CRTC3: variants seen among roughly 807,000 people sequenced by gnomAD.
The protein encoded by CRTC3 is CREB regulated transcription coactivator 3.
In CRTC3, 26 loss-of-function variants were observed where a neutral mutation model predicts 74.5. That is an observed-to-expected ratio of 0.35 (90% CI 0.26 to 0.48). The LOEUF (loss-of-function observed/expected upper bound fraction) is 0.48. CRTC3 is among the 20% of genes least tolerant of loss of function. The pLI is 0.99. For missense variants in CRTC3, 760 were observed against 787.3 expected (o/e 0.97, Z 0.41); for synonymous variants, 377 against 325.8 (o/e 1.16, Z -1.69).
At chr15:90,544,370 C>T (rs1193177598) in intron 2 of CRTC3, among the ~76,000 whole-genome samples, 1 of 152,182 alleles carries the variant, frequency 6.6e-6, no homozygotes, top group African/African-American at 2.4e-5. Flanking sequence ...ATTACATCTG[C>T]AAAGATTCTG....
intron 2 of CRTC3, among the ~76,000 whole-genome samples, chr15:90,583,465 T>C (rs556434427): frequency 2.0e-5 from 3 of 152,172 alleles, no homozygotes; most frequent in African/African-American, 7.2e-5. Flanking sequence ...GCAAGACTTA[T>C]TTGGTCCTTT....
At chr15:90,626,696 C>CT (rs1355870839) in intron 10 of CRTC3, among the ~76,000 whole-genome samples, 1 of 151,340 alleles carries the variant, frequency 6.6e-6, no homozygotes, top group Non-Finnish European at 1.5e-5. Flanking sequence ...GCTGCAACCT[C>CT]TGCTTCCCAG....
Position 90,642,939 on chromosome 15 carries a change from C to CCT in CRTC3, c.*801_*802dup, listed in dbSNP as rs890402601. 31 of 232,884 alleles carry CCT rather than the reference C, an allele frequency of 1.3e-4. No homozygotes were observed. The highest frequency in any genetic ancestry group is 6.8e-4 in the African/African-American group (31 of 45,288). 14.4% of individuals were successfully genotyped at this position (232,884 alleles called of 1,614,324 possible). On this transcript the variant is annotated 3_prime_UTR_variant, in exon 15 of 15. Transcript: ENST00000268184. ...ACTGCAGGTGTCTCATACTCAGTGGCCTCCAGACAAACTCCAGACAAGCAC... is the reference window on the plus strand; with the variant it reads ...ACTGCAGGTGTCTCATACTCAGTGGCCTCTCCAGACAAACTCCAGACAAGCAC...
chr15:90,538,894 T>G (rs1966761681), intron 1 of CRTC3, among the ~76,000 whole-genome samples: 3 of 152,086 alleles, frequency 2.0e-5, no homozygotes, highest in Admixed American at 1.3e-4. Flanking sequence ...CTCAGCCTCC[T>G]GCTAGCCACG....
intron 2 of CRTC3, among the ~76,000 whole-genome samples, chr15:90,556,095 A>T (rs1966887079): frequency 6.6e-6 from 1 of 151,914 alleles, no homozygotes; most frequent in Non-Finnish European, 1.5e-5. Context: ...TTCTTTTTCA[A>T]CCATTATATA....
Position 90,612,393 on chromosome 15 carries a change from G to A in CRTC3, c.578-2060G>A, listed in dbSNP as rs148980458. Among the ~76,000 whole-genome samples, 443 of 151,978 alleles carry A rather than the reference G, an allele frequency of 2.9e-3. 3 individuals carry two copies. The highest frequency in any genetic ancestry group is 0.02 in the Middle Eastern group (6 of 294). ...TCACCATTATCCTTCAATGAATGGC[G>A]CCTCAGGTGCCACCTACTCCATGAA... On this transcript the variant is annotated intron_variant, in intron 6 of 14. Transcript: ENST00000268184.
chr15:90,626,674 C>T (rs367948662), intron 10 of CRTC3, among the ~76,000 whole-genome samples: 51 of 150,184 alleles, frequency 3.4e-4, no homozygotes, highest in African/African-American at 1.1e-3. Flanking sequence ...TGCAGTGGCA[C>T]GATCTCAGCT....
At chr15:90,536,604 T>C (rs781321110) in intron 1 of CRTC3, among the ~76,000 whole-genome samples, 3 of 152,186 alleles carry the variant, frequency 2.0e-5, no homozygotes, top group Non-Finnish European at 4.4e-5. Context: ...ATTGTAATCG[T>C]GTTGGCTATT....
intron 2 of CRTC3, among the ~76,000 whole-genome samples, chr15:90,591,439 C>T (rs1222458381): frequency 6.6e-6 from 1 of 152,240 alleles, no homozygotes; most frequent in Admixed American, 6.5e-5. Context: ...AATAGGAAGT[C>T]TAAAAGACAT....
At chr15:90,562,274 G>T (rs1308654026) in intron 2 of CRTC3, among the ~76,000 whole-genome samples, 4 of 152,184 alleles carry the variant, frequency 2.6e-5, no homozygotes, top group Non-Finnish European at 5.9e-5. Flanking sequence ...CTGAGTACCT[G>T]AGCTATGCTT....
rs147207804 is a variant in CRTC3 at position 90,545,870 on chromosome 15, G to A, written c.231+5733G>A. Among the ~76,000 whole-genome samples, 725 of 152,264 alleles carry A rather than the reference G, an allele frequency of 4.8e-3. 6 individuals carry two copies. Among genetic ancestry groups the A allele is most frequent in the East Asian group, 0.042 (218 of 5,174 alleles). On this transcript the variant is annotated intron_variant, in intron 2 of 14. Transcript: ENST00000268184. ...TGGGATTACAGGCGTGAGCCACTGC[G>A]CCTGGCCTTGTCTAGTTTTTAAATT...
intron 2 of CRTC3, among the ~76,000 whole-genome samples, chr15:90,566,872 G>T (rs1326600102): frequency 6.6e-6 from 1 of 151,794 alleles, no homozygotes; most frequent in Non-Finnish European, 1.5e-5. Context: ...CACCACACCT[G>T]GCTAATTTTT....
chr15:90,635,252 C>CAGCT (rs1969191074), intron 11 of CRTC3, among the ~76,000 whole-genome samples: 1 of 151,966 alleles, frequency 6.6e-6, no homozygotes, highest in African/African-American at 2.4e-5. Flanking sequence ...AGCTGGCTGG[C>CAGCT]AGCTCTGTGT....
intron 2 of CRTC3, among the ~76,000 whole-genome samples, chr15:90,570,667 C>T (rs1298146885): frequency 2.0e-5 from 3 of 152,156 alleles, no homozygotes; most frequent in African/African-American, 7.2e-5. Context: ...GAGGCTGAGG[C>T]AGGTGAATTA....
rs1329844202 is a variant in CRTC3, at chr15:90,533,000, G to A, written c.132+2797G>A. ...CTCGGGAGGCTGAGGCAGGAGAATC[G>A]CTCGAACCCAGGAGGTGGAGGTTGC... On this transcript the variant is annotated intron_variant, in intron 1 of 14. Transcript: ENST00000268184. 2.0e-5 allele frequency among the ~76,000 whole-genome samples: 3 copies of A among 146,592 alleles called. No homozygotes were observed. The Admixed American group carries it at 2.1e-4, about 10-fold the overall frequency.
intron 2 of CRTC3, among the ~76,000 whole-genome samples, chr15:90,574,463 C>A (rs1362682731): frequency 6.6e-6 from 1 of 151,688 alleles, no homozygotes; most frequent in Non-Finnish European, 1.5e-5. Flanking sequence ...GGTGACAGAG[C>A]GAGACTCTGT....
chr15:90,615,471 C>T (rs917451407), intron 7 of CRTC3, among the ~76,000 whole-genome samples: 3 of 152,226 alleles, frequency 2.0e-5, no homozygotes, highest in African/African-American at 7.2e-5. Context: ...TCTTGCAAGA[C>T]GCACAGCTCT....
At position 90,581,302 on chromosome 15, in the gene CRTC3, G is replaced by A. The variant is rs149351595; in HGVS notation, c.232-12334G>A. Reference sequence around the variant, plus strand: ...CCTATGCTCTTTTAAATAAAAAACAGGATGTAAGTTTTTTTAAAAATTCAA... The same window carrying A: ...CCTATGCTCTTTTAAATAAAAAACAAGATGTAAGTTTTTTTAAAAATTCAA... On this transcript the variant is annotated intron_variant, in intron 2 of 14. Transcript: ENST00000268184. Among the ~76,000 whole-genome samples, 9 of 152,252 alleles carry A rather than the reference G, an allele frequency of 5.9e-5. No individual in the cohort carries two copies. In the East Asian group the frequency reaches 1.7e-3, roughly 29 times the overall value.
intron 2 of CRTC3, among the ~76,000 whole-genome samples, chr15:90,588,694 G>A (rs1349284565): frequency 2.6e-5 from 4 of 152,042 alleles, no homozygotes; most frequent in South Asian, 4.1e-4. Context: ...CTGTAGGACC[G>A]TTGGGGAGCA....
Sources: allele counts gnomAD v4.1 joint callset (sites outside exome capture counted in the v4.1 genomes callset), GRCh38; gene constraint gnomAD v4.1.1; transcripts MANE v1.5; gene names NCBI Gene and HGNC (gene_info 2026-07-23, HGNC 2026-07-21).